Variants in MAMDC2 observed in about 807,000 individuals in gnomAD.
MAMDC2 encodes MAM domain-containing protein 2.
In MAMDC2, 57 loss-of-function variants were observed where a neutral mutation model predicts 89.8. The ratio of observed to expected loss-of-function variants is 0.63; its 90% CI spans 0.51 to 0.79. The LOEUF (loss-of-function observed/expected upper bound fraction) is 0.79. Among genes scored for constraint, MAMDC2 ranks in the 30% least tolerant of loss-of-function variants. The pLI is 0.00. For missense variants in MAMDC2, 800 were observed against 820.6 expected, an observed-to-expected ratio of 0.97 and a Z score of 0.31; for synonymous variants, 313 against 293.4, an observed-to-expected ratio of 1.07 and a Z score of -0.68.
At chr9:70,110,303 C>A (rs894854200) in intron 4 of MAMDC2, among the ~76,000 whole-genome samples, 1 of 152,160 alleles carries the variant, frequency 6.6e-6, no homozygotes, top group South Asian at 2.1e-4. Context: ...AAGGATAAAC[C>A]CTGTCCTATG....
At chr9:70,096,465 A>C (rs1392333443) in intron 2 of MAMDC2, among the ~76,000 whole-genome samples, 1 of 152,220 alleles carries the variant, frequency 6.6e-6, no homozygotes, top group African/African-American at 2.4e-5. Context: ...AGGAGAGGAC[A>C]AAAGAAACCT....
intron 5 of MAMDC2, among the ~76,000 whole-genome samples, chr9:70,118,233 A>T (rs1256399940): frequency 6.7e-6 from 1 of 149,570 alleles, no homozygotes; most frequent in African/African-American, 2.5e-5. Flanking sequence ...CTGCTATTTC[A>T]CTCCAAGTTC....
At chr9:70,167,378 G>A (rs2032206557) in intron 9 of MAMDC2, among the ~76,000 whole-genome samples, 1 of 152,028 alleles carries the variant, frequency 6.6e-6, no homozygotes, top group South Asian at 2.1e-4. Context: ...ATATTCTAAT[G>A]ACTCTGATCA....
intron 11 of MAMDC2, among the ~76,000 whole-genome samples, chr9:70,198,987 A>C (rs2033036739): frequency 6.6e-6 from 1 of 152,094 alleles, no homozygotes; most frequent in South Asian, 2.1e-4. Context: ...TAACTATCTG[A>C]GGAATTAGCT....
intron 11 of MAMDC2, among the ~76,000 whole-genome samples, chr9:70,210,025 T>C (rs1463055587): frequency 6.6e-6 from 1 of 152,260 alleles, no homozygotes; most frequent in African/African-American, 2.4e-5. Flanking sequence ...TCTGTTCTTT[T>C]ACATTTGCTG....
chr9:70,216,042 T>C (rs2033440212), intron 11 of MAMDC2, among the ~76,000 whole-genome samples: 1 of 152,238 alleles, frequency 6.6e-6, no homozygotes, highest in African/African-American at 2.4e-5. Flanking sequence ...TTAGAGTTCA[T>C]TGATTAAACT....
intron 2 of MAMDC2, among the ~76,000 whole-genome samples, chr9:70,072,872 G>A (rs1324651885): frequency 2.6e-5 from 4 of 151,872 alleles, no homozygotes; most frequent in Non-Finnish European, 5.9e-5. Flanking sequence ...ACAGAGTCTC[G>A]CTCTGTCCAC....
chr9:70,166,267 A>ATG (rs2032167603), intron 9 of MAMDC2, among the ~76,000 whole-genome samples: 1 of 35,658 alleles, frequency 2.8e-5, no homozygotes, highest in Admixed American at 4.9e-4. Flanking sequence ...ACAGAAATAT[A>ATG]TATATATATA....
chr9:70,188,762 A>ATTTTT (rs10701601), intron 11 of MAMDC2: 48,790 of 94,518 alleles, frequency 0.52, 15,613 homozygotes, highest in Non-Finnish European at 0.65. Flanking sequence ...AAAACAATTG[A>ATTTTT]TTTTTTTTTT....
intron 2 of MAMDC2, among the ~76,000 whole-genome samples, chr9:70,058,887 C>A (rs765177359): frequency 2.6e-5 from 4 of 152,162 alleles, no homozygotes; most frequent in Non-Finnish European, 4.4e-5. Context: ...AGAAATGGCA[C>A]AGTGCCCTGG....
chr9:70,146,375 G>A (rs1262209674), intron 9 of MAMDC2, among the ~76,000 whole-genome samples: 2 of 152,166 alleles, frequency 1.3e-5, no homozygotes, highest in African/African-American at 4.8e-5. Flanking sequence ...AGACAGTATA[G>A]TTCAACACTA....
At chr9:70,119,117 T>C in intron 5 of MAMDC2, among the ~76,000 whole-genome samples, 1 of 147,560 alleles carries the variant, frequency 6.8e-6, no homozygotes, top group African/African-American at 2.5e-5. Flanking sequence ...TTTTATGAAG[T>C]GAAACAAAAT....
chr9:70,149,045 A>ATTTTT (rs34684659), intron 9 of MAMDC2, among the ~76,000 whole-genome samples: 1 of 95,830 alleles, frequency 1.0e-5, no homozygotes. Flanking sequence ...AAAAAAAAAA[A>ATTTTT]TTTTTTTTTT....
rs370835188 is a variant in MAMDC2 at position 70,076,508 on chromosome 9, C to T, written c.149-31703C>T. Among the ~76,000 whole-genome samples the T allele has an allele frequency of 1.6e-4, 25 of 151,970 alleles. No homozygotes were observed. The East Asian group carries it at 4.1e-3, about 25-fold the overall frequency. On this transcript the variant is annotated intron_variant, in intron 2 of 13. Transcript: ENST00000377182. The stretch of plus-strand genomic sequence containing the variant: ...TCACCAATTTGGTGGCAAAGAAAAA[C>T]GTCTTATTCCATCCCTTTAGAGATG...
chr9:70,080,616 G>GCA (rs1827632054), intron 2 of MAMDC2, among the ~76,000 whole-genome samples: 4 of 152,308 alleles, frequency 2.6e-5, no homozygotes, highest in African/African-American at 4.8e-5. Flanking sequence ...GTTGGGCCGT[G>GCA]TGTGTATTTG....
intron 12 of MAMDC2, among the ~76,000 whole-genome samples, chr9:70,221,012 T>A (rs2033545293): frequency 6.6e-6 from 1 of 152,192 alleles, no homozygotes. Flanking sequence ...GTGGCAGAAC[T>A]GGTATTCTCA....
At chr9:70,159,579 G>C (rs763211368) in intron 9 of MAMDC2, among the ~76,000 whole-genome samples, 1 of 152,138 alleles carries the variant, frequency 6.6e-6, no homozygotes. Context: ...GGCCCAGGAG[G>C]GGTTCATCTA....
chr9:70,107,634 A>C (rs1294109947), intron 2 of MAMDC2, among the ~76,000 whole-genome samples: 3 of 152,206 alleles, frequency 2.0e-5, no homozygotes, highest in African/African-American at 4.8e-5. Flanking sequence ...AATAGCTTAC[A>C]ATGTACTTTT....
intron 2 of MAMDC2, among the ~76,000 whole-genome samples, chr9:70,045,641 C>T (rs961263739): frequency 1.3e-5 from 2 of 152,308 alleles, no homozygotes; most frequent in Non-Finnish European, 2.9e-5. Flanking sequence ...CCCGGAACCC[C>T]TGGTTAGATG....
Sources: gnomAD v4.1 joint callset for allele counts (sites outside exome capture counted in the v4.1 genomes callset) on GRCh38, gnomAD v4.1.1 for gene constraint, MANE v1.5 for transcripts, NCBI Gene and HGNC (gene_info 2026-07-23, HGNC 2026-07-21) for gene names.